KCNJ16: variants seen among roughly 807,000 people sequenced by gnomAD.
The protein encoded by KCNJ16 is potassium inwardly rectifying channel subfamily J member 16.
In KCNJ16, 15 loss-of-function variants were observed where a neutral mutation model predicts 18.5. The observed-to-expected ratio is 0.81, with a 90% CI of 0.54 to 1.25. KCNJ16 has a LOEUF of 1.25. KCNJ16 is among the 50% of genes most tolerant of loss of function. The pLI is 0.00. For missense variants in KCNJ16, 523 were observed against 525.7 expected (o/e 0.99, Z 0.05); for synonymous variants, 174 against 186.5 (o/e 0.93, Z 0.55).
chr17:70,132,901 G>T lies in KCNJ16; in HGVS notation c.814G>T (p.Ala272Ser), dbSNP rs2074112127. The T allele has an allele frequency of 3.1e-6, 5 of 1,614,052 alleles. No individual in the cohort carries two copies. The highest frequency in any genetic ancestry group is 4.2e-6 in the Non-Finnish European group (5 of 1,180,034). ...GTATGCCCTTGACCGCAAAGCAGTA[G>T]CCAAAGATAACTTTGAGATTTTGGT... ...PLYALDRKAV[A>S]KDNFEILVTF... Residue 272 changes from alanine (A) to serine (S), a missense_variant, in exon 4 of 4, where the codon GCC becomes TCC. Physicochemically the swap from Ala to Ser is moderately conservative, Grantham distance 99. Coordinates refer to ENST00000392671, the MANE Select transcript of KCNJ16 (RefSeq NM_170741.4).
At chr17:70,114,296 T>C (rs74772940) in intron 2 of KCNJ16, among the ~76,000 whole-genome samples, 460 of 152,258 alleles carry the variant, frequency 3.0e-3, no homozygotes, top group Middle Eastern at 0.01. Context: ...GCAGATTGAA[T>C]AGACTAATAA....
intron 1 of KCNJ16, among the ~76,000 whole-genome samples, chr17:70,094,498 CAATT>C (rs759865177): frequency 1.1e-4 from 17 of 151,654 alleles, no homozygotes; most frequent in Non-Finnish European, 1.9e-4. Context: ...GAACTGCTAA[CAATT>C]AATAAAAGTA....
chr17:70,122,414 T>C (rs766064115), intron 2 of KCNJ16, among the ~76,000 whole-genome samples: 4 of 152,168 alleles, frequency 2.6e-5, no homozygotes, highest in Non-Finnish European at 5.9e-5. Flanking sequence ...TGACCTCAGA[T>C]GATCCACCCA....
intron 2 of KCNJ16, among the ~76,000 whole-genome samples, chr17:70,122,241 C>T (rs907752046): frequency 4.0e-5 from 6 of 151,556 alleles, no homozygotes; most frequent in African/African-American, 1.2e-4. Context: ...AGCACTATCT[C>T]GGCTCACTGC....
chr17:70,103,114 A>G lies in KCNJ16; in HGVS notation c.-191+2348A>G, dbSNP rs1007505329. On this transcript the variant is annotated intron_variant, in intron 2 of 3. Transcript: ENST00000392671. ...CATCCAGCTTATGTATATTATATAT[A>G]TATATTTAATATATATATTTATATG... 3.5e-5 allele frequency among the ~76,000 whole-genome samples: 5 copies of G among 143,706 alleles called. No individual in the cohort carries two copies. In the East Asian group the frequency reaches 9.9e-4, roughly 28 times the overall value. 94.3% of individuals were successfully genotyped at this position (143,706 alleles called of 152,430 possible).
chr17:70,079,582 A>C (rs2143533788), intron 1 of KCNJ16, among the ~76,000 whole-genome samples: 2 of 152,370 alleles, frequency 1.3e-5, no homozygotes, highest in South Asian at 4.1e-4. Context: ...CTCTAAAAGA[A>C]ATTAAGAATC....
At chr17:70,091,050 C>A (rs2072068249) in intron 1 of KCNJ16, among the ~76,000 whole-genome samples, 1 of 152,142 alleles carries the variant, frequency 6.6e-6, no homozygotes, top group Non-Finnish European at 1.5e-5. Flanking sequence ...TTTCTTTCTC[C>A]CATCTGGAGA....
intron 2 of KCNJ16, among the ~76,000 whole-genome samples, chr17:70,125,758 A>G (rs1373619169): frequency 4.6e-5 from 7 of 152,068 alleles, no homozygotes. Context: ...GTGAAACCCC[A>G]TCTCTACTAA....
intron 1 of KCNJ16, among the ~76,000 whole-genome samples, chr17:70,082,704 C>G (rs189012637): frequency 6.6e-6 from 1 of 152,106 alleles, no homozygotes; most frequent in Non-Finnish European, 1.5e-5. Flanking sequence ...CTGCCACTAT[C>G]TTTATGGAGT....
At chr17:70,123,926 G>C (rs1349534756) in intron 2 of KCNJ16, among the ~76,000 whole-genome samples, 1 of 152,192 alleles carries the variant, frequency 6.6e-6, no homozygotes, top group Non-Finnish European at 1.5e-5. Context: ...AGCCAGGTGA[G>C]AGATCAGGAA....
chr17:70,117,481 T>G (rs955229033), intron 2 of KCNJ16, among the ~76,000 whole-genome samples: 2 of 152,136 alleles, frequency 1.3e-5, no homozygotes, highest in African/African-American at 4.8e-5. Flanking sequence ...TAAAATTTCA[T>G]ACTGAACTCC....
chr17:70,082,195 A>G (rs966134948), intron 1 of KCNJ16, among the ~76,000 whole-genome samples: 1 of 152,220 alleles, frequency 6.6e-6, no homozygotes, highest in Non-Finnish European at 1.5e-5. Context: ...GAAGTAATAC[A>G]GTATTCAGGT....
chr17:70,095,409 A>G (rs1429332953), intron 1 of KCNJ16, among the ~76,000 whole-genome samples: 2 of 152,154 alleles, frequency 1.3e-5, no homozygotes, highest in African/African-American at 2.4e-5. Context: ...TCTAACCTAG[A>G]ACCAACCAGA....
At chr17:70,127,795 G>GACTTCATGTGTTA (rs2144235259) in intron 2 of KCNJ16, among the ~76,000 whole-genome samples, 1 of 152,266 alleles carries the variant, frequency 6.6e-6, no homozygotes, top group South Asian at 2.1e-4. Flanking sequence ...GAATAATGAT[G>GACTTCATGTGTTA]ACTTCATGTG....
intron 1 of KCNJ16, among the ~76,000 whole-genome samples, chr17:70,082,271 G>T (rs1456276703): frequency 1.3e-5 from 2 of 152,212 alleles, no homozygotes; most frequent in Non-Finnish European, 2.9e-5. Context: ...GGGGAAATGT[G>T]AGAAGTTCAG....
intron 2 of KCNJ16, among the ~76,000 whole-genome samples, chr17:70,117,928 A>C (rs536157532): frequency 6.6e-6 from 1 of 152,300 alleles, no homozygotes; most frequent in East Asian, 1.9e-4. Flanking sequence ...GACTCAAAGA[A>C]ACTAGGATAA....
At chr17:70,114,829 A>T (rs1244510455) in intron 2 of KCNJ16, among the ~76,000 whole-genome samples, 3 of 152,208 alleles carry the variant, frequency 2.0e-5, no homozygotes, top group Non-Finnish European at 4.4e-5. Context: ...GAAAGATGAT[A>T]TTAATCTACA....
At chr17:70,086,906 T>G (rs2071821736) in intron 1 of KCNJ16, among the ~76,000 whole-genome samples, 1 of 152,052 alleles carries the variant, frequency 6.6e-6, no homozygotes, top group Non-Finnish European at 1.5e-5. Flanking sequence ...TATTATTTAT[T>G]TATTTATTTC....
chr17:70,117,503 T>A (rs2073459024), intron 2 of KCNJ16, among the ~76,000 whole-genome samples: 1 of 152,230 alleles, frequency 6.6e-6, no homozygotes, highest in Admixed American at 6.5e-5. Flanking sequence ...TTATCAGTCC[T>A]GAGGAAGACG....
Sources: allele counts gnomAD v4.1 joint callset (sites outside exome capture counted in the v4.1 genomes callset), GRCh38; gene constraint gnomAD v4.1.1; transcripts MANE v1.5; gene names NCBI Gene and HGNC (gene_info 2026-07-23, HGNC 2026-07-21).